Variants in ROBO1 observed in about 807,000 individuals in gnomAD.
The protein encoded by ROBO1 is roundabout homolog 1.
Under a neutral mutation model 195.9 loss-of-function variants are expected in ROBO1, and 149 were observed. The ratio of observed to expected loss-of-function variants is 0.76; its 90% CI spans 0.67 to 0.87. ROBO1 has a LOEUF of 0.87. Ranked by LOEUF, ROBO1 falls within the 40% of genes least tolerant of loss-of-function variation. The probability of loss-of-function intolerance (pLI) is 0.00; values close to 1 mark genes in which losing one functional copy is unlikely to be tolerated. For synonymous variants in ROBO1, 816 were observed against 733.2 expected, an observed-to-expected ratio of 1.11 and a Z score of -1.82; for missense variants, 1,933 against 2,068.3, an observed-to-expected ratio of 0.93 and a Z score of 1.27.
At chr3:79,564,353 A>G (rs1299775075) in intron 2 of ROBO1, among the ~76,000 whole-genome samples, 1 of 151,964 alleles carries the variant, frequency 6.6e-6, no homozygotes, top group African/African-American at 2.4e-5. Flanking sequence ...ACTGCATGAT[A>G]CTGTACCTAT....
At chr3:78,782,698 T>C (rs2083714653) in intron 4 of ROBO1, among the ~76,000 whole-genome samples, 1 of 152,230 alleles carries the variant, frequency 6.6e-6, no homozygotes, top group South Asian at 2.1e-4. Context: ...AAACCTTCAT[T>C]AAATTTGCAA....
At chr3:78,613,290 T>A (rs2107349111) in intron 28 of ROBO1, among the ~76,000 whole-genome samples, 1 of 152,236 alleles carries the variant, frequency 6.6e-6, no homozygotes, top group Non-Finnish European at 1.5e-5. Context: ...GTTTGGTCAG[T>A]TTTTCAGTGA....
intron 4 of ROBO1, among the ~76,000 whole-genome samples, chr3:78,800,738 G>A (rs1459513656): frequency 6.6e-6 from 1 of 151,792 alleles, no homozygotes; most frequent in Non-Finnish European, 1.5e-5. Flanking sequence ...TTTGTTTTTT[G>A]TATTTTTAAT....
At chr3:79,496,387 C>CTTTTTTTTTTTTTTTTTT (rs1553753117) in intron 2 of ROBO1, among the ~76,000 whole-genome samples, 2 of 112,782 alleles carry the variant, frequency 1.8e-5, no homozygotes, top group African/African-American at 3.5e-5. Context: ...GCGCACCCAT[C>CTTTTTTTTTTTTTTTTTT]TTTTTTTGAG....
At chr3:78,631,074 C>T in intron 25 of ROBO1, 87 bp downstream of exon 25, 1 of 1,386,368 alleles carries the variant, frequency 7.2e-7, no homozygotes, top group Non-Finnish European at 9.8e-7. Flanking sequence ...AATCAGTCTT[C>T]TCTTGACCAC....
intron 2 of ROBO1, among the ~76,000 whole-genome samples, chr3:79,244,550 A>T (rs1477135242): frequency 6.6e-6 from 1 of 152,118 alleles, no homozygotes; most frequent in Non-Finnish European, 1.5e-5. Context: ...CTTTTGTGAA[A>T]AACAGTTGTC....
intron 1 of ROBO1, among the ~76,000 whole-genome samples, chr3:79,700,610 G>A (rs1280444521): frequency 2.0e-5 from 3 of 151,600 alleles, no homozygotes; most frequent in African/African-American, 7.3e-5. Context: ...GTTTTGATTT[G>A]TATTTTTGAT....
intron 8 of ROBO1, among the ~76,000 whole-genome samples, chr3:78,711,737 C>T (rs1203939375): frequency 6.6e-6 from 1 of 151,104 alleles, no homozygotes; most frequent in Non-Finnish European, 1.5e-5. Context: ...GATCTGACCA[C>T]CTCGGCCTCC....
intron 5 of ROBO1, among the ~76,000 whole-genome samples, chr3:78,732,105 T>C (rs2082299019): frequency 6.6e-6 from 1 of 152,122 alleles, no homozygotes; most frequent in Non-Finnish European, 1.5e-5. Context: ...CCAGATCATT[T>C]GGTAAGTACA....
intron 2 of ROBO1, among the ~76,000 whole-genome samples, chr3:79,375,237 G>A (rs543822587): frequency 6.6e-6 from 1 of 152,238 alleles, no homozygotes; most frequent in South Asian, 2.1e-4. Flanking sequence ...ATACAGATTG[G>A]CAACTCAATA....
chr3:78,785,470 G>T (rs1036482905), intron 4 of ROBO1, among the ~76,000 whole-genome samples: 1 of 152,194 alleles, frequency 6.6e-6, no homozygotes, highest in African/African-American at 2.4e-5. Context: ...ACTGTAGGCT[G>T]CTTATTTGAT....
At chr3:79,503,029 A>G (rs1484607628) in intron 2 of ROBO1, among the ~76,000 whole-genome samples, 2 of 152,174 alleles carry the variant, frequency 1.3e-5, no homozygotes, top group African/African-American at 2.4e-5. Flanking sequence ...TGCGTGAGCT[A>G]ACAGTGACAA....
chr3:78,834,952 A>G (rs2032574813), intron 4 of ROBO1, among the ~76,000 whole-genome samples: 1 of 152,214 alleles, frequency 6.6e-6, no homozygotes, highest in Non-Finnish European at 1.5e-5. Flanking sequence ...ATGAAATTAA[A>G]AAGTGTAGAG....
intron 27 of ROBO1, 27 bp downstream of exon 27, chr3:78,617,606 CCA>C: frequency 6.4e-7 from 1 of 1,564,238 alleles, no homozygotes; most frequent in South Asian, 1.2e-5. Flanking sequence ...GTTTTCTTTC[CCA>C]GCTTGGTGAA....
intron 1 of ROBO1, among the ~76,000 whole-genome samples, chr3:79,652,417 A>G (rs541688606): frequency 6.6e-6 from 1 of 152,234 alleles, no homozygotes; most frequent in African/African-American, 2.4e-5. Flanking sequence ...GCAAAATTAG[A>G]ATATTATGGC....
intron 1 of ROBO1, among the ~76,000 whole-genome samples, chr3:79,676,201 A>T (rs189720729): frequency 1.3e-5 from 2 of 152,106 alleles, no homozygotes. Flanking sequence ...TAACTCCATG[A>T]TTTATATAAT....
intron 2 of ROBO1, among the ~76,000 whole-genome samples, chr3:79,157,162 CA>C (rs1559700231): frequency 2.0e-5 from 3 of 151,832 alleles, no homozygotes; most frequent in Non-Finnish European, 4.4e-5. Flanking sequence ...GCTGCCTTTA[CA>C]TTAGAAATAG....
chr3:78,713,386 AG>A (rs1424378392), intron 8 of ROBO1, among the ~76,000 whole-genome samples: 10 of 152,170 alleles, frequency 6.6e-5, no homozygotes, highest in African/African-American at 2.4e-4. Context: ...GACAGTGTTC[AG>A]AAAAGATGAC....
intron 2 of ROBO1, among the ~76,000 whole-genome samples, chr3:79,363,681 C>T (rs891719678): frequency 2.6e-5 from 4 of 152,212 alleles, no homozygotes; most frequent in Non-Finnish European, 5.9e-5. Flanking sequence ...CACATGCACA[C>T]ACACAGAAGC....
Sources: gnomAD v4.1 joint callset for allele counts (sites outside exome capture counted in the v4.1 genomes callset) on GRCh38, gnomAD v4.1.1 for gene constraint, MANE v1.5 for transcripts, NCBI Gene and HGNC (gene_info 2026-07-23, HGNC 2026-07-21) for gene names.